Variants in KIAA1217 observed in about 807,000 individuals in gnomAD.
The protein encoded by KIAA1217 is sickle tail protein homolog.
Under a neutral mutation model 163.9 loss-of-function variants are expected in KIAA1217, and 88 were observed. That is an observed-to-expected ratio of 0.54 (90% CI 0.45 to 0.64). KIAA1217 has a LOEUF of 0.64. KIAA1217 is among the 30% of genes least tolerant of loss of function. KIAA1217 has a pLI of 0.00. For synonymous variants in KIAA1217, 903 were observed against 923.1 expected (o/e 0.98, Z 0.39); for missense variants, 2,372 against 2,475.0 (o/e 0.96, Z 0.88).
rs755638091 is a variant in KIAA1217, at chr10:24,533,283, G to A, written c.3414+46G>A. 3.9e-6 allele frequency: 6 copies of A among 1,557,608 alleles called. No homozygotes were observed. The East Asian group carries it at 1.4e-4, about 35-fold the overall frequency. ...ACATTGGCTCCTTGCCTCCCGCCTG[G>A]GTCTCTCCAGCCATGGCACTCACAG... On this transcript the variant is annotated intron_variant, in intron 16 of 20. Transcript: ENST00000376454.
intron 1 of KIAA1217, among the ~76,000 whole-genome samples, chr10:23,710,303 A>T (rs1837170878): frequency 1.3e-5 from 2 of 152,168 alleles, no homozygotes; most frequent in Admixed American, 1.3e-4. Context: ...CTAATCAAAT[A>T]ATGCTGTTCT....
At chr10:24,509,209 C>A (rs1198157029) in intron 9 of KIAA1217, among the ~76,000 whole-genome samples, 1 of 152,194 alleles carries the variant, frequency 6.6e-6, no homozygotes, top group African/African-American at 2.4e-5. Flanking sequence ...ACACTGTGCT[C>A]AGATAAGCAG....
intron 1 of KIAA1217, among the ~76,000 whole-genome samples, chr10:24,000,480 C>A (rs115145091): frequency 2.0e-5 from 3 of 152,212 alleles, no homozygotes; most frequent in East Asian, 1.9e-4. Flanking sequence ...TCCAGCCCTG[C>A]GGAAACGTGA....
chr10:24,188,164 T>C, intron 2 of KIAA1217, among the ~76,000 whole-genome samples: 1 of 152,158 alleles, frequency 6.6e-6, no homozygotes, highest in African/African-American at 2.4e-5. Context: ...ACCACTGCAC[T>C]CCAGCCCTGG....
intron 2 of KIAA1217, among the ~76,000 whole-genome samples, chr10:24,013,554 A>C (rs1040485629): frequency 3.9e-5 from 6 of 152,208 alleles, no homozygotes; most frequent in Admixed American, 3.9e-4. Context: ...AGTGTGAATA[A>C]CAGAATCAAC....
chr10:23,887,036 G>T (rs1841206232), intron 1 of KIAA1217, among the ~76,000 whole-genome samples: 1 of 151,674 alleles, frequency 6.6e-6, no homozygotes, highest in Non-Finnish European at 1.5e-5. Flanking sequence ...AATATTTCTG[G>T]CTCTACTTAG....
chr10:23,889,355 G>A (rs539476417), intron 1 of KIAA1217, among the ~76,000 whole-genome samples: 8 of 151,912 alleles, frequency 5.3e-5, no homozygotes, highest in Non-Finnish European at 4.4e-5. Flanking sequence ...ATGCATATTG[G>A]CACCTCATTG....
chr10:24,491,022 AAAG>A (rs2066046487), intron 6 of KIAA1217, among the ~76,000 whole-genome samples: 1 of 152,162 alleles, frequency 6.6e-6, no homozygotes, highest in Non-Finnish European at 1.5e-5. Context: ...TGTCAGCCTT[AAAG>A]AAGAATAGGA....
At chr10:24,398,020 A>G (rs1026165058) in intron 3 of KIAA1217, among the ~76,000 whole-genome samples, 1 of 152,178 alleles carries the variant, frequency 6.6e-6, no homozygotes. Flanking sequence ...TGACCCTTGA[A>G]CAACACAGGG....
At chr10:24,336,371 T>C (rs1406696286) in intron 2 of KIAA1217, among the ~76,000 whole-genome samples, 1 of 152,218 alleles carries the variant, frequency 6.6e-6, no homozygotes, top group Non-Finnish European at 1.5e-5. Flanking sequence ...TCCTACTTTT[T>C]AGTTTTGCCT....
At chr10:23,823,392 G>A (rs1837719235) in intron 1 of KIAA1217, among the ~76,000 whole-genome samples, 1 of 152,212 alleles carries the variant, frequency 6.6e-6, no homozygotes, top group Admixed American at 6.5e-5. Flanking sequence ...AAAAGTTTGA[G>A]TCCTTCTTAC....
At chr10:24,539,212 T>C (rs1459161265) in intron 17 of KIAA1217, among the ~76,000 whole-genome samples, 1 of 152,096 alleles carries the variant, frequency 6.6e-6, no homozygotes, top group East Asian at 1.9e-4. Flanking sequence ...TGTCTCATTG[T>C]AGAATTTTTC....
chr10:24,127,160 T>C (rs114131933), intron 2 of KIAA1217, among the ~76,000 whole-genome samples: 2 of 152,304 alleles, frequency 1.3e-5, no homozygotes, highest in African/African-American at 4.8e-5. Flanking sequence ...TCCTGCTAGC[T>C]TCTGTCCAAA....
At chr10:23,814,577 CTT>C (rs559552418) in intron 1 of KIAA1217, among the ~76,000 whole-genome samples, 63 of 152,254 alleles carry the variant, frequency 4.1e-4, no homozygotes, top group Middle Eastern at 6.8e-3. Context: ...TATGGGAAAA[CTT>C]TTTAAAAATT....
At chr10:24,453,918 T>C (rs1159168199) in intron 5 of KIAA1217, among the ~76,000 whole-genome samples, 1 of 152,142 alleles carries the variant, frequency 6.6e-6, no homozygotes, top group African/African-American at 2.4e-5. Context: ...AATTATTAAA[T>C]GAGTACTAGG....
In KIAA1217 at chr10:24,545,884, C is replaced by A. The variant is rs1415284240; in HGVS notation, c.5392C>A (p.Pro1798Thr). The A allele has an allele frequency of 1.2e-6, 2 of 1,613,628 alleles. No homozygotes were observed. Among genetic ancestry groups the A allele is most frequent in the African/African-American group, 2.7e-5 (2 of 74,900 alleles). Residue 1798 changes from proline to threonine, a missense_variant, in exon 21 of 21, where the codon CCT (proline) becomes ACT (threonine). By Grantham distance (38) the Pro-to-Thr change is conservative (BLOSUM62 -1). Around this residue, in one of 3 missense-constraint regions of KIAA1217, gnomAD observed 690 missense variants for 677.5 expected, o/e 1.02. Transcript: ENST00000376454. ...GDFKPTSPSLPASKIPALSPS... is the reference protein window; with the variant it reads ...GDFKPTSPSLTASKIPALSPS... Reference sequence around the variant, plus strand: ...CTTTAAGCCTACTTCCCCCTCCTTACCTGCTTCTAAGATTCCAGCCCTTTC... The same window carrying A: ...CTTTAAGCCTACTTCCCCCTCCTTAACTGCTTCTAAGATTCCAGCCCTTTC...
intron 1 of KIAA1217, among the ~76,000 whole-genome samples, chr10:23,867,180 T>G (rs933065531): frequency 6.6e-6 from 1 of 152,138 alleles, no homozygotes; most frequent in Non-Finnish European, 1.5e-5. Flanking sequence ...GGACATGAAC[T>G]CATCATTTTT....
At chr10:23,956,611 C>A (rs186271350) in intron 1 of KIAA1217, among the ~76,000 whole-genome samples, 6 of 152,240 alleles carry the variant, frequency 3.9e-5, no homozygotes, top group African/African-American at 1.2e-4. Context: ...ATACCTGAGA[C>A]TGGGTAATTT....
At chr10:23,713,039 G>C (rs1249920932) in intron 1 of KIAA1217, among the ~76,000 whole-genome samples, 1 of 152,092 alleles carries the variant, frequency 6.6e-6, no homozygotes, top group Non-Finnish European at 1.5e-5. Flanking sequence ...TAGAATGCCA[G>C]ATCAAGGTTT....
Sources: allele counts gnomAD v4.1 joint callset (sites outside exome capture counted in the v4.1 genomes callset), GRCh38; gene constraint gnomAD v4.1.1; regional missense constraint gnomAD v4.1.1; transcripts MANE v1.5; gene names NCBI Gene and HGNC (gene_info 2026-07-23, HGNC 2026-07-21).